NFKBID: variants seen among roughly 807,000 people sequenced by gnomAD.
NFKBID encodes NF-kappa-B inhibitor delta.
Under a neutral mutation model 53.4 loss-of-function variants are expected in NFKBID, and 26 were observed. The ratio of observed to expected loss-of-function variants is 0.49; its 90% CI spans 0.36 to 0.68. The LOEUF (loss-of-function observed/expected upper bound fraction) is 0.68, where lower values mean the gene tolerates loss of function less well. Ranked by LOEUF, NFKBID falls within the 30% of genes least tolerant of loss-of-function variation. The probability of loss-of-function intolerance (pLI) is 0.00; values close to 1 mark genes in which losing one functional copy is unlikely to be tolerated. For synonymous variants in NFKBID, 262 were observed against 259.8 expected, an observed-to-expected ratio of 1.01 and a Z score of -0.08; for missense variants, 493 against 614.1, an observed-to-expected ratio of 0.80 and a Z score of 2.08.
At chr19:35,895,539 C>T (rs758020344) in intron 9 of NFKBID, among the ~76,000 whole-genome samples, 8 of 151,958 alleles carry the variant, frequency 5.3e-5, no homozygotes, top group Non-Finnish European at 1.0e-4. Flanking sequence ...CGGTGGCTCA[C>T]GCCTGTAATC....
chr19:35,897,404 GC>G (rs1216153584), intron 4 of NFKBID: 2 of 571,064 alleles, frequency 3.5e-6, no homozygotes, highest in Non-Finnish European at 6.2e-6. Flanking sequence ...ACAGGCGTGC[GC>G]CACTACACCC....
upstream of NFKBID, chr19:35,902,105 A>G (rs1975581198): frequency 2.9e-6 from 2 of 698,582 alleles, no homozygotes; most frequent in Non-Finnish European, 5.2e-6. Context: ...CAGTGAGGTT[A>G]TTCAGCATCT....
intron 11 of NFKBID, 29 bp from the exon 12 acceptor site, chr19:35,888,641 G>T (rs908031244): frequency 6.4e-7 from 1 of 1,556,976 alleles, no homozygotes. Flanking sequence ...AGGGAGAGAA[G>T]TCTGTCAGGT....
chr19:35,896,852 G>T lies in NFKBID; in HGVS notation c.579-21C>A, dbSNP rs1568493232. The T allele has an allele frequency of 6.2e-7, 1 of 1,613,636 alleles. No homozygotes were observed. Among genetic ancestry groups the T allele is most frequent in the Admixed American group, 1.7e-5 (1 of 60,006 alleles). On this transcript the variant is annotated intron_variant, in intron 5 of 11. Transcript: ENST00000641389. The surrounding 1 kb of genome is among the most constrained non-coding windows in gnomAD (Gnocchi z 5.7). Reference sequence around the variant, plus strand: ...GGAGCCTGAGGACAGGTGGGGGACAGCCGTGAGAACAGCCCCCACCAAGCC... The same window carrying T: ...GGAGCCTGAGGACAGGTGGGGGACATCCGTGAGAACAGCCCCCACCAAGCC...
rs551252998 is a variant in NFKBID, at chr19:35,899,366, G to A, written c.62-544C>T. Among the ~76,000 whole-genome samples the A allele has an allele frequency of 3.6e-3, 540 of 152,022 alleles. 7 individuals are homozygous for A. The highest frequency in any genetic ancestry group is 0.012 in the African/African-American group (516 of 41,456). On this transcript the variant is annotated intron_variant, in intron 1 of 11. Coordinates refer to ENST00000641389, the Ensembl canonical transcript of NFKBID. The stretch of plus-strand genomic sequence containing the variant: ...AGGCCAAGGGGGGCGGATCACCTGA[G>A]GTCAGGTGGCCAACATGGTGAAACC...
Position 35,894,932 on chromosome 19 carries a change from G to A in NFKBID, c.1032+1048C>T, listed in dbSNP as rs201802969. On this transcript the variant is annotated intron_variant, in intron 9 of 11. Transcript: ENST00000641389. ...CGCTTGAACCCAGGAGGCGGAGGTT[G>A]TGGTGAGCCGAGATCACACCATTGC... Among the ~76,000 whole-genome samples, 9 of 151,852 alleles carry A rather than the reference G, an allele frequency of 5.9e-5. No individual in the cohort carries two copies. In the East Asian group the frequency reaches 1.7e-3, roughly 29 times the overall value.
rs1975128531 is a variant in NFKBID, at chr19:35,896,147, G to A, written c.884-19C>T. 6.2e-7 allele frequency: 1 copy of A among 1,613,978 alleles called. No individual in the cohort carries two copies. The highest frequency in any genetic ancestry group is 8.5e-7 in the Non-Finnish European group (1 of 1,179,854). On this transcript the variant is annotated intron_variant, in intron 8 of 11. Coordinates refer to ENST00000641389, the Ensembl canonical transcript of NFKBID. This position sits in a 1 kb window ranked among gnomAD's most constrained non-coding sequence, Gnocchi z 5.7. ...GTGAGGCCTGCAGAATGGAGACAGT[G>A]AGGGACCCGCATCTGCACCCACCTC...
upstream of NFKBID, among the ~76,000 whole-genome samples, chr19:35,900,827 C>CTTTTTTTTTTTTTTTT (rs60365058): frequency 1.1e-3 from 114 of 107,580 alleles, no homozygotes; most frequent in South Asian, 2.5e-3. Context: ...TTTTTCTTTT[C>CTTTTTTTTTTTTTTTT]TTTTTTTTTT....
chr19:35,901,936 C>G, upstream of NFKBID: 1 of 523,098 alleles, frequency 1.9e-6, no homozygotes, highest in Non-Finnish European at 3.4e-6. Flanking sequence ...AGTTCCTCCT[C>G]TTCCCCCATT....
exon 3 of NFKBID, chr19:35,898,515 G>T (rs767235515): frequency 1.0e-5 from 16 of 1,532,978 alleles, no homozygotes; most frequent in Non-Finnish European, 1.4e-5. Flanking sequence ...GCTGCTCTGG[G>T]GGAGGGAGAA....
intron 10 of NFKBID, 85 bp downstream of exon 10, chr19:35,890,289 G>C (rs762387288): frequency 1.0e-6 from 1 of 1,003,756 alleles, no homozygotes; most frequent in South Asian, 1.4e-5. Context: ...TCCCCTCCAC[G>C]TCCACAGCCC....
upstream of NFKBID, chr19:35,900,731 C>A (rs1019506522): frequency 7.3e-5 from 73 of 997,450 alleles, no homozygotes; most frequent in Non-Finnish European, 9.0e-5. Context: ...GGGTCCAGAT[C>A]TTTGCTCTGA....
At chr19:35,890,123 A>G in intron 10 of NFKBID, 69 bp from the exon 11 acceptor site, 2 of 1,456,718 alleles carry the variant, frequency 1.4e-6, no homozygotes, top group South Asian at 2.4e-5. Context: ...ACTGCACTTC[A>G]ATTTCTGCCT....
chr19:35,898,423 A>T (rs1975336399), intron 3 of NFKBID, 49 bp downstream of exon 3: 3 of 1,196,122 alleles, frequency 2.5e-6, no homozygotes, highest in Admixed American at 2.2e-5. Context: ...GCGATGTCTG[A>T]GTCCCTTAGG....
intron 11 of NFKBID, among the ~76,000 whole-genome samples, chr19:35,888,905 G>C (rs1056990111): frequency 4.6e-5 from 7 of 152,130 alleles, no homozygotes; most frequent in African/African-American, 7.2e-5. Context: ...AATTAGCCGG[G>C]CATGGTGGCA....
At chr19:35,889,587 G>A (rs1974609909) in intron 11 of NFKBID, among the ~76,000 whole-genome samples, 1 of 151,920 alleles carries the variant, frequency 6.6e-6, no homozygotes, top group South Asian at 2.1e-4. Flanking sequence ...GCAGGGGGTA[G>A]GAGGTCACAC....
chr19:35,891,832 A>G (rs1357974186), intron 9 of NFKBID, among the ~76,000 whole-genome samples: 1 of 151,956 alleles, frequency 6.6e-6, no homozygotes, highest in Non-Finnish European at 1.5e-5. Flanking sequence ...ACACCATTGC[A>G]ATCCAGCCTG....
chr19:35,896,994 C>T lies in NFKBID; in HGVS notation c.497G>A (p.Gly166Glu). The T allele has an allele frequency of 6.2e-7, 1 of 1,609,016 alleles. No individual in the cohort carries two copies. Among genetic ancestry groups the T allele is most frequent in the Non-Finnish European group, 8.5e-7 (1 of 1,178,538 alleles). ...AGCTCGGGCCACCTCCAGCGATGGT[C>T]CAGGGACCACAGCGGGGAACTGTGG... The change falls in exon 5 of 12, where the codon GGA (glycine) becomes GAA (glutamate). Residue 166 changes from glycine to glutamate, a missense_variant. Gly to Glu is a moderately conservative substitution (Grantham distance 98). This residue lies in a region of NFKBID where 226 missense variants were observed against 229.5 expected (regional missense o/e 0.98). Transcript: ENST00000641389. This position sits in a 1 kb window ranked among gnomAD's most constrained non-coding sequence, Gnocchi z 5.7.
intron 3 of NFKBID, 122 bp downstream of exon 3, chr19:35,898,348 CAG>C: frequency 1.5e-6 from 1 of 671,376 alleles, no homozygotes; most frequent in East Asian, 2.8e-5. Flanking sequence ...GATCCTGTCT[CAG>C]AAAAAAAAAA....
Sources: gnomAD v4.1 joint callset for allele counts (sites outside exome capture counted in the v4.1 genomes callset) on GRCh38, gnomAD v4.1.1 for gene constraint, gnomAD v4.1.1 regional missense constraint, Gnocchi (gnomAD v3.1) non-coding constraint, MANE v1.5 for transcripts, NCBI Gene and HGNC (gene_info 2026-07-23, HGNC 2026-07-21) for gene names.